The following NRXN1 variants were observed in gnomAD, a reference collection of about 807,000 sequenced individuals.
NRXN1 encodes neurexin 1, also known as neurexin-1.
NRXN1 carries 39 observed loss-of-function variants against 150.9 expected under a neutral mutation model. The ratio of observed to expected loss-of-function variants is 0.26; its 90% CI spans 0.20 to 0.34. The LOEUF is 0.34. NRXN1 is among the 10% of genes least tolerant of loss of function. NRXN1 has a pLI of 1.00. For missense variants in NRXN1, 1,815 were observed against 1,949.9 expected, an observed-to-expected ratio of 0.93 and a Z score of 1.30; for synonymous variants, 924 against 757.0, an observed-to-expected ratio of 1.22 and a Z score of -3.62.
chr2:50,089,326 A>G (rs1699234318), intron 19 of NRXN1, among the ~76,000 whole-genome samples: 1 of 152,238 alleles, frequency 6.6e-6, no homozygotes, highest in African/African-American at 2.4e-5. Context: ...TTCACAGCTG[A>G]CAACATCCCA....
intron 1 of NRXN1, among the ~76,000 whole-genome samples, chr2:51,030,599 C>A (rs888711076): frequency 3.3e-5 from 5 of 151,778 alleles, no homozygotes; most frequent in African/African-American, 1.2e-4. Flanking sequence ...ATACACACTG[C>A]CCACTAGCAA....
intron 18 of NRXN1, among the ~76,000 whole-genome samples, chr2:50,148,317 T>G (rs2058485054): frequency 6.6e-6 from 1 of 151,600 alleles, no homozygotes; most frequent in African/African-American, 2.4e-5. Flanking sequence ...GTTTCCTCAT[T>G]TATAAATCCA....
chr2:50,771,721 C>T (rs138306525), intron 5 of NRXN1, among the ~76,000 whole-genome samples: 1,563 of 152,178 alleles, frequency 0.01, 17 homozygotes, highest in South Asian at 0.025. Flanking sequence ...AAGGATGCTA[C>T]GAGTTTCCAG....
chr2:50,170,434 T>A (rs1442905383), intron 18 of NRXN1, among the ~76,000 whole-genome samples: 1 of 152,140 alleles, frequency 6.6e-6, no homozygotes, highest in Non-Finnish European at 1.5e-5. Flanking sequence ...TAGCTGGGAC[T>A]ACAGGTGTGC....
At chr2:50,104,101 T>C (rs947203782) in intron 18 of NRXN1, among the ~76,000 whole-genome samples, 2 of 152,012 alleles carry the variant, frequency 1.3e-5, no homozygotes, top group African/African-American at 2.4e-5. Flanking sequence ...TAAGGGATAG[T>C]GTTTGTGAAA....
At chr2:50,574,149 T>C (rs1671059429) in intron 8 of NRXN1, among the ~76,000 whole-genome samples, 1 of 152,154 alleles carries the variant, frequency 6.6e-6, no homozygotes, top group Non-Finnish European at 1.5e-5. Context: ...ACTTCTTTTC[T>C]AGCATGTCAA....
chr2:50,616,984 C>T (rs1679166884), intron 8 of NRXN1, among the ~76,000 whole-genome samples: 1 of 152,164 alleles, frequency 6.6e-6, no homozygotes, highest in South Asian at 2.1e-4. Flanking sequence ...ATATCCCTCT[C>T]TTTTCAGTAA....
chr2:50,026,943 G>A lies in NRXN1; in HGVS notation c.4128+26328C>T, dbSNP rs112803157. On this transcript the variant is annotated intron_variant, in intron 21 of 22. Transcript: ENST00000401669. ...TCACCCAGGCTGGAGTGCCAGTGGC[G>A]TGATCTTGATTCACTGAAACCTCCG... is the stretch of plus-strand genomic sequence containing the variant. 1.1e-4 allele frequency among the ~76,000 whole-genome samples: 14 copies of A among 129,178 alleles called. 1 individual carries two copies. Among genetic ancestry groups the A allele is most frequent in the African/African-American group, 3.9e-4 (13 of 33,272 alleles). The allele number at this position is 129,178 out of a possible 152,430, so 84.7% of individuals were successfully genotyped here. A position where few individuals can be genotyped will look rare whatever the true frequency, so the allele number is the denominator to read the frequency against.
intron 17 of NRXN1, among the ~76,000 whole-genome samples, chr2:50,238,291 G>C (rs376247227): frequency 6.6e-6 from 1 of 151,946 alleles, no homozygotes; most frequent in Non-Finnish European, 1.5e-5. Flanking sequence ...GCTTAAAATG[G>C]GACATTGTTG....
In NRXN1 at chr2:50,084,264, G is replaced by A. The variant is rs368763953; in HGVS notation, c.3718+7059C>T. Among the ~76,000 whole-genome samples, 20 of 152,312 alleles carry A rather than the reference G, an allele frequency of 1.3e-4. No individual in the cohort carries two copies. The South Asian group carries it at 3.7e-3, about 28-fold the overall frequency. Reference sequence around the variant, plus strand: ...GCGGTGGATGAGACTGGGTGCCGCGGAGCAGGGGGCCGCACAGGAGCCCGT... The same window carrying A: ...GCGGTGGATGAGACTGGGTGCCGCGAAGCAGGGGGCCGCACAGGAGCCCGT... On this transcript the variant is annotated intron_variant, in intron 19 of 22. Transcript: ENST00000401669.
intron 5 of NRXN1, among the ~76,000 whole-genome samples, chr2:50,878,563 T>C (rs369145122): frequency 5.3e-5 from 8 of 152,074 alleles, no homozygotes; most frequent in African/African-American, 1.9e-4. Context: ...AACTCTGTAA[T>C]TCTAGAACCC....
intron 5 of NRXN1, among the ~76,000 whole-genome samples, chr2:50,859,919 C>T (rs554742331): frequency 6.6e-6 from 1 of 151,508 alleles, no homozygotes; most frequent in African/African-American, 2.4e-5. Flanking sequence ...GTATACATTT[C>T]TATGTTGTAT....
intron 18 of NRXN1, among the ~76,000 whole-genome samples, chr2:50,147,953 T>C (rs2058447333): frequency 6.6e-6 from 1 of 151,626 alleles, no homozygotes; most frequent in African/African-American, 2.4e-5. Flanking sequence ...GTGAAATAGG[T>C]CCTGGGTTGA....
chr2:49,937,500 T>A (rs1671254184), intron 22 of NRXN1, among the ~76,000 whole-genome samples: 1 of 152,228 alleles, frequency 6.6e-6, no homozygotes, highest in African/African-American at 2.4e-5. Context: ...ATGTACTACT[T>A]ATTTTTATTC....
At chr2:50,407,862 T>C (rs2082866554) in intron 17 of NRXN1, among the ~76,000 whole-genome samples, 1 of 152,164 alleles carries the variant, frequency 6.6e-6, no homozygotes, top group Admixed American at 6.5e-5. Context: ...AGTATTCTGT[T>C]ATAAGTAACA....
intron 21 of NRXN1, among the ~76,000 whole-genome samples, chr2:50,022,297 A>AT (rs1687696190): frequency 6.6e-6 from 1 of 152,164 alleles, no homozygotes; most frequent in Admixed American, 6.5e-5. Context: ...CAATTTTTTA[A>AT]AACCTGATAA....
chr2:49,988,972 T>TA (rs1338837987), intron 21 of NRXN1, among the ~76,000 whole-genome samples: 1 of 152,238 alleles, frequency 6.6e-6, no homozygotes, highest in African/African-American at 2.4e-5. Context: ...CATATGCATG[T>TA]ACAGTGGGAA....
chr2:50,964,070 T>TG (rs1693656055), intron 2 of NRXN1: 1 of 378,958 alleles, frequency 2.6e-6, no homozygotes, highest in Non-Finnish European at 5.2e-6. Flanking sequence ...GGTATTAAGA[T>TG]CCAGTTATGC....
intron 5 of NRXN1, among the ~76,000 whole-genome samples, chr2:50,658,907 C>T (rs530098444): frequency 6.6e-6 from 1 of 151,988 alleles, no homozygotes; most frequent in Admixed American, 6.6e-5. Context: ...CATCACAGTA[C>T]AGCACTGAAA....
Sources: allele counts gnomAD v4.1 joint callset (sites outside exome capture counted in the v4.1 genomes callset), GRCh38; gene constraint gnomAD v4.1.1; transcripts MANE v1.5; gene names NCBI Gene and HGNC (gene_info 2026-07-23, HGNC 2026-07-21).